Variants in FRAS1 observed in about 807,000 individuals in gnomAD.
FRAS1 encodes extracellular matrix organizing protein FRAS1.
A neutral mutation model predicts 435.2 loss-of-function variants in FRAS1; 290 were observed. The observed-to-expected ratio is 0.67, with a 90% confidence interval of 0.61 to 0.73. The LOEUF (loss-of-function observed/expected upper bound fraction) is 0.73. Ranked by LOEUF, FRAS1 falls within the 30% of genes least tolerant of loss-of-function variation. The pLI, the probability that FRAS1 is intolerant of heterozygous loss-of-function variation, is 0.00. For synonymous variants in FRAS1, 1,800 were observed against 1,851.0 expected (o/e 0.97, Z 0.71); for missense variants, 4,860 against 5,001.5 (o/e 0.97, Z 0.85).
chr4:78,402,020 C>G (rs1474513352), intron 30 of FRAS1, among the ~76,000 whole-genome samples: 1 of 151,632 alleles, frequency 6.6e-6, no homozygotes, highest in Non-Finnish European at 1.5e-5. Context: ...CCAAAACGAG[C>G]AAGAAGACTA....
chr4:78,180,976 G>T, intron 2 of FRAS1: 1 of 1,610,662 alleles, frequency 6.2e-7, no homozygotes, highest in South Asian at 1.1e-5. Context: ...TGTCCACCTT[G>T]TCCTCCCCTG....
chr4:78,129,138 T>G (rs1295216497), intron 2 of FRAS1, among the ~76,000 whole-genome samples: 1 of 152,246 alleles, frequency 6.6e-6, no homozygotes, highest in Non-Finnish European at 1.5e-5. Flanking sequence ...ACCAGTAGCA[T>G]GCTGTTTTGG....
intron 30 of FRAS1, among the ~76,000 whole-genome samples, chr4:78,401,922 T>G (rs1402510104): frequency 6.6e-6 from 1 of 151,800 alleles, no homozygotes; most frequent in Non-Finnish European, 1.5e-5. Context: ...TACTCTCTGC[T>G]AGGCTACGTG....
intron 2 of FRAS1, among the ~76,000 whole-genome samples, chr4:78,168,333 A>T (rs1721416410): frequency 6.6e-6 from 1 of 152,024 alleles, no homozygotes; most frequent in South Asian, 2.1e-4. Flanking sequence ...CCTTTCCCTC[A>T]GCTGCTCCTT....
At chr4:78,104,200 A>C (rs140630581) in intron 2 of FRAS1, among the ~76,000 whole-genome samples, 1 of 152,374 alleles carries the variant, frequency 6.6e-6, no homozygotes, top group East Asian at 1.9e-4. Flanking sequence ...AATAAATCTG[A>C]ACAGGAACTT....
intron 63 of FRAS1, among the ~76,000 whole-genome samples, chr4:78,510,488 G>T (rs1023408093): frequency 1.3e-5 from 2 of 152,142 alleles, no homozygotes; most frequent in African/African-American, 4.8e-5. Context: ...ATGGACTTCA[G>T]TGAAAATTGT....
chr4:78,524,170 T>A (rs981951943), intron 69 of FRAS1, among the ~76,000 whole-genome samples: 1 of 152,226 alleles, frequency 6.6e-6, no homozygotes, highest in Non-Finnish European at 1.5e-5. Flanking sequence ...AGTTTTTCAC[T>A]AGATTGTGAG....
chr4:78,428,483 T>C (rs540761607), intron 35 of FRAS1, among the ~76,000 whole-genome samples: 21 of 152,272 alleles, frequency 1.4e-4, no homozygotes, highest in Middle Eastern at 3.4e-3. Context: ...CCAACATGCC[T>C]GGCTAATTTT....
At chr4:78,177,392 A>G (rs1721820824) in intron 2 of FRAS1, among the ~76,000 whole-genome samples, 1 of 152,224 alleles carries the variant, frequency 6.6e-6, no homozygotes, top group African/African-American at 2.4e-5. Flanking sequence ...GGAAATAAAC[A>G]CTGCCTTGGT....
chr4:78,292,331 C>T (rs1727937885), intron 14 of FRAS1, among the ~76,000 whole-genome samples: 2 of 152,044 alleles, frequency 1.3e-5, no homozygotes, highest in Admixed American at 1.3e-4. Context: ...TCAGATTAAA[C>T]AATGAGAATC....
chr4:78,502,949 C>T lies in FRAS1; in HGVS notation c.9316+3028C>T, dbSNP rs368219187. On this transcript the variant is annotated intron_variant, in intron 61 of 73. Transcript: ENST00000512123. The stretch of plus-strand genomic sequence containing the variant: ...AGAGCTGTTGAATTTTGTCAAAGGC[C>T]TTTTCTGCATCTATTGAGATAATCA... Among the ~76,000 whole-genome samples the T allele has an allele frequency of 1.3e-3, 191 of 152,210 alleles. 3 individuals carry two copies. The South Asian group carries it at 0.024, about 19-fold the overall frequency.
At chr4:78,296,437 A>T (rs184682604) in intron 14 of FRAS1, among the ~76,000 whole-genome samples, 1 of 152,056 alleles carries the variant, frequency 6.6e-6, no homozygotes, top group Non-Finnish European at 1.5e-5. Flanking sequence ...GATGGCTCAG[A>T]TCTCTTTGGA....
At chr4:78,438,513 G>A in intron 38 of FRAS1, 57 bp from the exon 39 acceptor site, 1 of 1,576,134 alleles carries the variant, frequency 6.3e-7, no homozygotes, top group Non-Finnish European at 8.7e-7. Context: ...TTAGCTACTG[G>A]AAGTGTTTAT....
chr4:78,417,128 C>T (rs1464168854), intron 32 of FRAS1, among the ~76,000 whole-genome samples: 1 of 152,084 alleles, frequency 6.6e-6, no homozygotes, highest in East Asian at 1.9e-4. Context: ...ATATCTCAAA[C>T]TCAATATTGC....
Position 78,317,380 on chromosome 4 carries a change from C to T in FRAS1, c.1832C>T (p.Ser611Leu), listed in dbSNP as rs1400683379. Residue 611 changes from serine to leucine, a missense_variant, in exon 17 of 74, where the codon TCA (serine) becomes TTA (leucine). By Grantham distance (145) the Ser-to-Leu change is moderately radical. Coordinates refer to ENST00000512123, the MANE Select transcript of FRAS1 (RefSeq NM_025074.7). ...CTCTCTTCCTCAGTTTGTCATAACT[C>T]ATGTGCCAGCTGCTCTGGGCCCACA... ...ATGRCKVCHN[S>L]CASCSGPTPS... is the part of the protein sequence containing the mutation. The T allele has an allele frequency of 3.1e-6, 5 of 1,613,954 alleles. No individual in the cohort carries two copies. Among genetic ancestry groups the T allele is most frequent in the East Asian group, 2.2e-5 (1 of 44,878 alleles).
intron 24 of FRAS1, among the ~76,000 whole-genome samples, chr4:78,373,735 A>G (rs1731605975): frequency 6.6e-6 from 1 of 152,052 alleles, no homozygotes; most frequent in Admixed American, 6.6e-5. Context: ...AGATTGTGCC[A>G]CTGCACTCCA....
intron 4 of FRAS1, among the ~76,000 whole-genome samples, chr4:78,246,525 G>T (rs1283420122): frequency 6.6e-6 from 1 of 152,210 alleles, no homozygotes; most frequent in African/African-American, 2.4e-5. Flanking sequence ...TGTGCTGCTC[G>T]ATTCAGCCTG....
intron 65 of FRAS1, among the ~76,000 whole-genome samples, chr4:78,515,280 A>G (rs1012755501): frequency 1.3e-5 from 2 of 151,486 alleles, no homozygotes; most frequent in Non-Finnish European, 2.9e-5. Context: ...ACAAGAGTTC[A>G]GAAACTGTAT....
intron 16 of FRAS1, 46 bp downstream of exon 16, chr4:78,315,780 A>G (rs375353101): frequency 1.7e-5 from 28 of 1,602,078 alleles, no homozygotes; most frequent in Non-Finnish European, 2.2e-5. Flanking sequence ...TATTGAGTAC[A>G]TGTTTGACTA....
Sources: allele counts gnomAD v4.1 joint callset (sites outside exome capture counted in the v4.1 genomes callset), GRCh38; gene constraint gnomAD v4.1.1; transcripts MANE v1.5; gene names NCBI Gene and HGNC (gene_info 2026-07-23, HGNC 2026-07-21).